The following SGO2 variants were observed in gnomAD, a reference collection of about 807,000 sequenced individuals.
The protein encoded by SGO2 is shugoshin-like 2.
SGO2 carries 68 observed loss-of-function variants against 99.5 expected under a neutral mutation model. That is an observed-to-expected ratio of 0.68 (90% CI 0.56 to 0.84). The LOEUF is 0.84. Among genes scored for constraint, SGO2 ranks in the 40% least tolerant of loss-of-function variants. The pLI is 0.00. For missense variants in SGO2, 1,350 were observed against 1,436.7 expected (o/e 0.94, Z 0.97); for synonymous variants, 457 against 487.1 (o/e 0.94, Z 0.81).
chr2:200,539,945 T>A (rs1476858585), intron 4 of SGO2, among the ~76,000 whole-genome samples: 10 of 152,194 alleles, frequency 6.6e-5, no homozygotes, highest in Admixed American at 6.5e-4. Context: ...TCTATTGTTC[T>A]ATCTCCAAGT....
chr2:200,535,962 A>G (rs10497849), intron 3 of SGO2, 103 bp from the exon 4 acceptor site: 80,835 of 649,106 alleles, frequency 0.12, 5,993 homozygotes, highest in Non-Finnish European at 0.16. Flanking sequence ...GATATCAACT[A>G]TTTTTTAAGT....
At chr2:200,537,692 T>A (rs1439898832) in intron 4 of SGO2, among the ~76,000 whole-genome samples, 1 of 152,128 alleles carries the variant, frequency 6.6e-6, no homozygotes. Context: ...CCTAAATAAT[T>A]TTATTCTATC....
chr2:200,542,760 A>G (rs1342988459), intron 5 of SGO2, 96 bp downstream of exon 5: 10 of 1,017,416 alleles, frequency 9.8e-6, no homozygotes, highest in African/African-American at 8.0e-5. Flanking sequence ...AGGATCATCA[A>G]CCTGTAGTTA....
intron 5 of SGO2, among the ~76,000 whole-genome samples, chr2:200,551,706 A>T (rs1024067340): frequency 4.6e-5 from 7 of 151,504 alleles, no homozygotes; most frequent in Non-Finnish European, 8.8e-5. Context: ...TTTTTTTTTC[A>T]TGTAGGTATC....
chr2:200,581,557 C>G (rs1022414918), intron 8 of SGO2, among the ~76,000 whole-genome samples: 8 of 152,088 alleles, frequency 5.3e-5, no homozygotes, highest in Non-Finnish European at 1.2e-4. Context: ...CTGATAACTC[C>G]TACCACTCCT....
intron 8 of SGO2, chr2:200,576,086 C>A: frequency 2.5e-6 from 1 of 402,742 alleles, no homozygotes; most frequent in Non-Finnish European, 4.8e-6. Context: ...CTTAGCAAAA[C>A]TAGACAACAA....
intron 3 of SGO2, 76 bp from the exon 4 acceptor site, chr2:200,535,989 C>A: frequency 1.1e-6 from 1 of 871,180 alleles, no homozygotes; most frequent in Non-Finnish European, 1.7e-6. Context: ...ACATGGATGG[C>A]ATTCATAAAT....
At chr2:200,578,934 C>T (rs938560697) in intron 8 of SGO2, among the ~76,000 whole-genome samples, 10 of 152,040 alleles carry the variant, frequency 6.6e-5, no homozygotes, top group Non-Finnish European at 1.0e-4. Context: ...GCACTGTTGA[C>T]CTTTGGGGCT....
At chr2:200,543,592 A>G (rs1439511132) in intron 5 of SGO2, 2 of 152,190 alleles carry the variant, frequency 1.3e-5, no homozygotes, top group South Asian at 2.1e-4. Flanking sequence ...TTGAAATGCT[A>G]TCTGTGCCAT....
intron 7 of SGO2, among the ~76,000 whole-genome samples, chr2:200,574,945 A>T (rs2106348980): frequency 6.6e-6 from 1 of 152,130 alleles, no homozygotes; most frequent in South Asian, 2.1e-4. Flanking sequence ...GAAGCAAAAG[A>T]ATTACAAAGG....
chr2:200,562,105 G>C (rs1303827002), intron 5 of SGO2, among the ~76,000 whole-genome samples: 3 of 152,132 alleles, frequency 2.0e-5, no homozygotes, highest in Non-Finnish European at 4.4e-5. Flanking sequence ...AATTGCTTTT[G>C]GTGTTTTAGT....
chr2:200,545,437 G>A (rs7607816), intron 5 of SGO2, among the ~76,000 whole-genome samples: 1,687 of 151,754 alleles, frequency 0.011, 36 homozygotes, highest in African/African-American at 0.038. Flanking sequence ...TCCCTCACCC[G>A]CCTTTTCGGT....
At position 200,570,996 on chromosome 2, in the gene SGO2, T is replaced by A; in HGVS notation, c.704-54T>A. 6.8e-7 allele frequency: 1 copy of A among 1,474,978 alleles called. No individual in the cohort carries two copies. The allele number at this position is 1,474,978 out of a possible 1,614,324, so 91.4% of individuals were successfully genotyped here. A position where few individuals can be genotyped will look rare whatever the true frequency, so the allele number is the denominator to read the frequency against. On this transcript the variant is annotated intron_variant, in intron 6 of 8. Transcript: ENST00000357799. This position sits in a 1 kb window ranked among gnomAD's most constrained non-coding sequence, Gnocchi z 4.4. ...GATTTCGAATCTAATTTGTTTAAGG[T>A]AACTTATTTATTTCATTACTTGTTT...
intron 4 of SGO2, among the ~76,000 whole-genome samples, chr2:200,538,221 C>G (rs1249403707): frequency 6.6e-6 from 1 of 152,126 alleles, no homozygotes; most frequent in African/African-American, 2.4e-5. Context: ...TGAAACTCTT[C>G]TTATTTCTTC....
chr2:200,569,980 T>A (rs2033338925), intron 6 of SGO2, 88 bp downstream of exon 6: 4 of 839,174 alleles, frequency 4.8e-6, no homozygotes, highest in Non-Finnish European at 7.7e-6. Flanking sequence ...GTATAACAGT[T>A]AATAAGTTAG....
chr2:200,557,314 T>G (rs1399661659), intron 5 of SGO2, among the ~76,000 whole-genome samples: 1 of 152,150 alleles, frequency 6.6e-6, no homozygotes, highest in African/African-American at 2.4e-5. Context: ...ATCCACTCTG[T>G]CTTAGGAGAG....
chr2:200,583,538 AGAT>A lies in SGO2; in HGVS notation c.*77_*79del. ...TCAAAACAGAAATATAGTATCAAGA[AGAT>A]GAAATGCTTAATGAAAAGGTTTTTT... On this transcript the variant is annotated 3_prime_UTR_variant, in exon 9 of 9. Transcript: ENST00000357799. The A allele has an allele frequency of 7.4e-7, 1 of 1,355,732 alleles. No individual in the cohort carries two copies. Among genetic ancestry groups the A allele is most frequent in the South Asian group, 1.5e-5 (1 of 68,342 alleles). The allele number at this position is 1,355,732 out of a possible 1,614,324, so 84.0% of individuals were successfully genotyped here.
Position 200,571,404 on chromosome 2 carries a change from A to T in SGO2, c.1058A>T (p.Asp353Val). The change falls in exon 7 of 9, where the codon GAC (aspartate) becomes GTC (valine). Residue 353 changes from aspartate to valine, a missense_variant. Asp to Val is a radical substitution (Grantham distance 152). Transcript: ENST00000357799. ...ECMNQIEDND[D>V]FQLQKTVYDA... ...ATGAATCAAATTGAGGATAATGATG[A>T]CTTTCAATTGCAGAAAACTGTGTAT... 1 of 1,609,528 alleles carries T rather than the reference A, an allele frequency of 6.2e-7. No individual in the cohort carries two copies. The highest frequency in any genetic ancestry group is 2.2e-5 in the East Asian group (1 of 44,758).
intron 1 of SGO2, chr2:200,532,319 G>A: frequency 1.7e-6 from 1 of 603,878 alleles, no homozygotes; most frequent in Non-Finnish European, 2.1e-6. Context: ...TCAGATGGAG[G>A]CAAGGAGGCT....
Sources: allele counts gnomAD v4.1 joint callset (sites outside exome capture counted in the v4.1 genomes callset), GRCh38; gene constraint gnomAD v4.1.1; non-coding constraint Gnocchi (gnomAD v3.1); transcripts MANE v1.5; gene names NCBI Gene and HGNC (gene_info 2026-07-23, HGNC 2026-07-21).